Variants in RGSL1 observed in about 807,000 individuals in gnomAD.
RGSL1 encodes the protein regulator of G protein signaling protein-like.
A neutral mutation model predicts 124.7 loss-of-function variants in RGSL1; 97 were observed. The observed-to-expected ratio is 0.78, with a 90% CI of 0.66 to 0.92. RGSL1 has a LOEUF of 0.92. RGSL1 is among the 40% of genes least tolerant of loss of function. The pLI is 0.00. For synonymous variants in RGSL1, 424 were observed against 438.1 expected (o/e 0.97, Z 0.40); for missense variants, 1,233 against 1,288.4 (o/e 0.96, Z 0.66).
intron 13 of RGSL1, among the ~76,000 whole-genome samples, chr1:182,531,420 A>G (rs900624114): frequency 6.6e-6 from 1 of 152,328 alleles, no homozygotes; most frequent in South Asian, 2.1e-4. Flanking sequence ...GGGGACAGGA[A>G]TGTTACTCAG....
At chr1:182,505,429 G>T (rs1558328540) in intron 9 of RGSL1, among the ~76,000 whole-genome samples, 1 of 152,120 alleles carries the variant, frequency 6.6e-6, no homozygotes. Flanking sequence ...TTACCACAAT[G>T]CATCCTCATC....
At chr1:182,555,568 T>C (rs1481993705) in intron 20 of RGSL1, 1 of 161,312 alleles carries the variant, frequency 6.2e-6, no homozygotes, top group African/African-American at 2.4e-5. Context: ...AAACTGATGC[T>C]AAGTTAGGGC....
In RGSL1 at chr1:182,472,556, C is replaced by T. The variant is rs1249974563; in HGVS notation, c.462C>T (p.Ile154=). 7 of 1,522,976 alleles carry T rather than the reference C, an allele frequency of 4.6e-6. No homozygotes were observed. The highest frequency in any genetic ancestry group is 4.4e-6 in the Non-Finnish European group (5 of 1,127,668). The allele number at this position is 1,522,976 out of a possible 1,614,324, so 94.3% of individuals were successfully genotyped here. ...TGGTAACCCTCTGTAACATGAACAT[C>T]AGTAAGAATTATAAAGCATCTTTTT... The part of the protein sequence containing the change: ...SRVVTLCNMN[I]KSLLNLSIWH... The change falls in exon 5 of 22, where the codon ATC becomes ATT. Residue 154 remains isoleucine, a splice_region_variant and synonymous_variant. Coordinates refer to ENST00000294854, the MANE Select transcript of RGSL1 (RefSeq NM_001137669.2).
At chr1:182,512,962 T>C (rs886768449) in intron 9 of RGSL1, among the ~76,000 whole-genome samples, 2 of 152,144 alleles carry the variant, frequency 1.3e-5, no homozygotes, top group African/African-American at 4.8e-5. Context: ...TGTTTGTCTG[T>C]CCATGGAGCC....
chr1:182,471,051 G>GT (rs2102029697), intron 4 of RGSL1, among the ~76,000 whole-genome samples: 1 of 152,260 alleles, frequency 6.6e-6, no homozygotes, highest in South Asian at 2.1e-4. Context: ...GTTGGAGGGT[G>GT]TTTATGTGAA....
In RGSL1 at chr1:182,460,069, A is replaced by G; in HGVS notation, c.237A>G (p.Thr79=). ...EKCRLPFFCK[T]NLCFHYILCQ... Reference sequence around the variant, plus strand: ...GCCGATTACCTTTCTTCTGTAAAACAAACTTGTGTTTCCATTACATTCTCT... The same window carrying G: ...GCCGATTACCTTTCTTCTGTAAAACGAACTTGTGTTTCCATTACATTCTCT... Residue 79 remains threonine (T), a synonymous_variant, in exon 4 of 22, where the codon ACA becomes ACG. Coordinates refer to ENST00000294854, the MANE Select transcript of RGSL1 (RefSeq NM_001137669.2). 6.4e-7 allele frequency: 1 copy of G among 1,551,732 alleles called. No individual in the cohort carries two copies. The highest frequency in any genetic ancestry group is 8.7e-7 in the Non-Finnish European group (1 of 1,146,986).
At chr1:182,554,576 T>G (rs1434136059) in intron 19 of RGSL1, 51 bp from the exon 20 acceptor site, 10 of 1,506,480 alleles carry the variant, frequency 6.6e-6, no homozygotes, top group Non-Finnish European at 9.0e-7. Context: ...TTTCAGTGAC[T>G]GCGTCTATGT....
chr1:182,545,056 G>T (rs1295366453), intron 15 of RGSL1, among the ~76,000 whole-genome samples: 1 of 151,938 alleles, frequency 6.6e-6, no homozygotes, highest in Admixed American at 6.6e-5. Context: ...GGTTGTTTTT[G>T]AACTCCTCTC....
At chr1:182,497,940 GT>G (rs1189588709) in intron 9 of RGSL1, among the ~76,000 whole-genome samples, 11 of 152,176 alleles carry the variant, frequency 7.2e-5, no homozygotes, top group Non-Finnish European at 1.6e-4. Flanking sequence ...TCTCCAGGCT[GT>G]TTTTGAACTC....
At chr1:182,486,136 C>T (rs983054095) in intron 6 of RGSL1, among the ~76,000 whole-genome samples, 6 of 152,032 alleles carry the variant, frequency 3.9e-5, no homozygotes, top group African/African-American at 1.2e-4. Flanking sequence ...TACATTCTAA[C>T]GAAAAACTAT....
In RGSL1 at chr1:182,521,995, T is replaced by C; in HGVS notation, c.1826-9T>C. On this transcript the variant is annotated splice_polypyrimidine_tract_variant and intron_variant, in intron 9 of 21. Coordinates refer to ENST00000294854, the MANE Select transcript of RGSL1 (RefSeq NM_001137669.2). ...ATAGTGTTCTCCAACTTAGTGATTT[T>C]TTTTTTAGATTTTAAAATGGAAATT... 6.6e-7 allele frequency: 1 copy of C among 1,506,000 alleles called. No homozygotes were observed. Among genetic ancestry groups the C allele is most frequent in the Non-Finnish European group, 9.0e-7 (1 of 1,116,082 alleles). The allele number at this position is 1,506,000 out of a possible 1,614,324, so 93.3% of individuals were successfully genotyped here. A position where few individuals can be genotyped will look rare whatever the true frequency, so the allele number is the denominator to read the frequency against.
chr1:182,523,452 A>G (rs3843287), intron 10 of RGSL1, among the ~76,000 whole-genome samples: 74,551 of 151,952 alleles, frequency 0.49, 18,588 homozygotes, highest in East Asian at 0.54. Flanking sequence ...CTGAGGTTCA[A>G]TCATTTGTCA....
chr1:182,551,763 G>A (rs1320072670), intron 18 of RGSL1, among the ~76,000 whole-genome samples: 2 of 151,846 alleles, frequency 1.3e-5, no homozygotes, highest in Non-Finnish European at 1.5e-5. Flanking sequence ...CACACATACA[G>A]CCATGCACCA....
At chr1:182,495,354 T>A (rs1162742082) in intron 9 of RGSL1, among the ~76,000 whole-genome samples, 1 of 152,176 alleles carries the variant, frequency 6.6e-6, no homozygotes, top group Non-Finnish European at 1.5e-5. Context: ...GTTTAGTGCC[T>A]CTTTCATGGT....
chr1:182,488,104 C>G (rs1655231355), intron 6 of RGSL1, among the ~76,000 whole-genome samples, 181 bp from the exon 7 acceptor site: 1 of 152,206 alleles, frequency 6.6e-6, no homozygotes, highest in Admixed American at 6.5e-5. Flanking sequence ...GTTAGCTGCT[C>G]TATTCAGAGA....
chr1:182,548,278 C>T (rs1204652467), intron 15 of RGSL1, 39 bp from the exon 16 acceptor site: 1 of 1,550,656 alleles, frequency 6.4e-7, no homozygotes, highest in Non-Finnish European at 8.7e-7. Flanking sequence ...CTGTTTTCAT[C>T]TTCTCCTCCT....
intron 11 of RGSL1, among the ~76,000 whole-genome samples, chr1:182,528,460 G>T (rs1434218458): frequency 1.3e-5 from 2 of 152,118 alleles, no homozygotes; most frequent in African/African-American, 4.8e-5. Context: ...GATAAGGCAA[G>T]TCCCTTCCAC....
chr1:182,551,358 A>G, intron 18 of RGSL1, 149 bp downstream of exon 18: 1 of 649,846 alleles, frequency 1.5e-6, no homozygotes, highest in Non-Finnish European at 2.7e-6. Context: ...AGGGAGACAG[A>G]GCACTCAGGG....
intron 5 of RGSL1, among the ~76,000 whole-genome samples, chr1:182,472,845 G>C (rs942327253): frequency 2.0e-5 from 3 of 152,202 alleles, no homozygotes; most frequent in African/African-American, 7.2e-5. Context: ...TAACATTTAA[G>C]TCTATGTACT....
Sources: gnomAD v4.1 joint callset for allele counts (sites outside exome capture counted in the v4.1 genomes callset) on GRCh38, gnomAD v4.1.1 for gene constraint, MANE v1.5 for transcripts, NCBI Gene and HGNC (gene_info 2026-07-23, HGNC 2026-07-21) for gene names.